EPB41L1: variants seen among roughly 807,000 people sequenced by gnomAD.
EPB41L1 encodes band 4.1-like protein 1.
EPB41L1 carries 29 observed loss-of-function variants against 97.8 expected under a neutral mutation model. The observed-to-expected ratio is 0.30, with a 90% CI of 0.22 to 0.40. The LOEUF (loss-of-function observed/expected upper bound fraction) is 0.40. Among genes scored for constraint, EPB41L1 ranks in the 10% least tolerant of loss-of-function variants. EPB41L1 has a pLI of 1.00. For synonymous variants in EPB41L1, 383 were observed against 459.2 expected, an observed-to-expected ratio of 0.83 and a Z score of 2.12; for missense variants, 812 against 1,162.3, an observed-to-expected ratio of 0.70 and a Z score of 4.38.
At chr20:36,105,289 A>T (rs554701635) in intron 1 of EPB41L1, among the ~76,000 whole-genome samples, 1 of 152,276 alleles carries the variant, frequency 6.6e-6, no homozygotes, top group East Asian at 1.9e-4. Flanking sequence ...CAGAGCTAGG[A>T]AGAATGGAGT....
At chr20:36,095,871 C>G (rs2057813422) in intron 1 of EPB41L1, among the ~76,000 whole-genome samples, 1 of 151,922 alleles carries the variant, frequency 6.6e-6, no homozygotes, top group African/African-American at 2.4e-5. Flanking sequence ...GGTAAAAATA[C>G]AAAATTTAGC....
At chr20:36,154,661 G>C (rs2060208923), upstream of EPB41L1, 3 of 976,410 alleles carry the variant, frequency 3.1e-6, no homozygotes, top group African/African-American at 3.5e-5. The surrounding 1 kb of genome is among the most constrained non-coding windows in gnomAD (Gnocchi z 5.5). Flanking sequence ...GCCGCGCGTC[G>C]GGCGCCAGGC....
At chr20:36,106,481 A>G (rs1412849651) in intron 1 of EPB41L1, among the ~76,000 whole-genome samples, 1 of 152,212 alleles carries the variant, frequency 6.6e-6, no homozygotes, top group Non-Finnish European at 1.5e-5. Flanking sequence ...CCACAGCCTC[A>G]TCCTCTGAAC....
chr20:36,144,748 T>A (rs2096007950), intron 2 of EPB41L1, among the ~76,000 whole-genome samples: 1 of 152,164 alleles, frequency 6.6e-6, no homozygotes, highest in African/African-American at 2.4e-5. Flanking sequence ...TGGGAGGAAT[T>A]AAACTGCCAT....
chr20:36,113,410 G>T (rs1234995210), intron 2 of EPB41L1, among the ~76,000 whole-genome samples: 3 of 28,044 alleles, frequency 1.1e-4, no homozygotes, highest in Admixed American at 3.1e-4. Context: ...CTTTCCATTT[G>T]TGTGTGTGTG....
At chr20:36,154,147 A>G (rs1423370897), upstream of EPB41L1, among the ~76,000 whole-genome samples, 1 of 151,568 alleles carries the variant, frequency 6.6e-6, no homozygotes, top group Non-Finnish European at 1.5e-5. The surrounding 1 kb of genome is among the most constrained non-coding windows in gnomAD (Gnocchi z 5.5). Context: ...CCCAGGAGAC[A>G]GTTGTAATAC....
chr20:36,188,395 C>A lies in EPB41L1; in HGVS notation c.922C>A (p.Leu308Ile). Reference protein sequence around the residue: ...IMLGVCANGLLIYRDRLRINR... With the variant: ...IMLGVCANGLIIYRDRLRINR... ...GTTAGGCGTTTGTGCCAATGGCCTG[C>A]TCATCTACCGGGACCGGCTGAGAAT... The change falls in exon 9 of 22, where the codon CTC (leucine) becomes ATC (isoleucine). Residue 308 changes from leucine to isoleucine, a missense_variant. Physicochemically the swap from Leu to Ile is conservative, Grantham distance 5. This residue lies in a region of EPB41L1 where 230 missense variants were observed against 445.2 expected (regional missense o/e 0.52). Coordinates refer to ENST00000338074, the MANE Select transcript of EPB41L1 (RefSeq NM_012156.2). The A allele has an allele frequency of 6.2e-7, 1 of 1,614,008 alleles. No homozygotes were observed.
intron 1 of EPB41L1, among the ~76,000 whole-genome samples, chr20:36,111,822 C>T (rs891723943): frequency 9.9e-5 from 15 of 151,638 alleles, no homozygotes; most frequent in East Asian, 5.8e-4. Context: ...GAAAAGACTC[C>T]GAGGGATCAC....
chr20:36,154,674 G>C (rs1397968880), upstream of EPB41L1: 19 of 980,480 alleles, frequency 1.9e-5, no homozygotes, highest in Non-Finnish European at 2.3e-5. The surrounding 1 kb of genome is among the most constrained non-coding windows in gnomAD (Gnocchi z 5.5). Flanking sequence ...CGCCAGGCCC[G>C]GGGCTGTGGG....
intron 2 of EPB41L1, among the ~76,000 whole-genome samples, chr20:36,114,537 A>G (rs1460081560): frequency 6.6e-6 from 1 of 152,172 alleles, no homozygotes; most frequent in Non-Finnish European, 1.5e-5. Context: ...GTTAGGGTCT[A>G]TACAATTGGG....
Position 36,206,408 on chromosome 20 carries a change from C to A in EPB41L1, c.1669-3080C>A. On this transcript the variant is annotated intron_variant, in intron 14 of 21. Coordinates refer to ENST00000338074, the MANE Select transcript of EPB41L1 (RefSeq NM_012156.2). This position sits in a 1 kb window ranked among gnomAD's most constrained non-coding sequence, Gnocchi z 5.5. ...CTCCAGTCGTTTCTATTGGATCCAG[C>A]CCACGCAGAAGCCAGAGCTGAGTTG... 7.8e-7 allele frequency: 1 copy of A among 1,290,002 alleles called. No individual in the cohort carries two copies. Among genetic ancestry groups the A allele is most frequent in the Non-Finnish European group, 1.0e-6 (1 of 988,908 alleles). 79.9% of individuals were successfully genotyped at this position (1,290,002 alleles called of 1,614,324 possible). A position where few individuals can be genotyped will look rare whatever the true frequency, so the allele number is the denominator to read the frequency against.
At chr20:36,197,465 G>T (rs1276651165) in intron 13 of EPB41L1, among the ~76,000 whole-genome samples, 1 of 152,214 alleles carries the variant, frequency 6.6e-6, no homozygotes, top group Non-Finnish European at 1.5e-5. Flanking sequence ...GGCAGTTGCT[G>T]CCTGCTATGC....
intron 17 of EPB41L1, 41 bp downstream of exon 17, chr20:36,214,481 C>G (rs764776055): frequency 2.8e-5 from 42 of 1,525,670 alleles, no homozygotes; most frequent in Non-Finnish European, 3.5e-5. Flanking sequence ...GACCAGCCCC[C>G]TGCCCCACCA....
chr20:36,189,020 C>G (rs2061825153), intron 9 of EPB41L1, among the ~76,000 whole-genome samples: 1 of 152,066 alleles, frequency 6.6e-6, no homozygotes, highest in Non-Finnish European at 1.5e-5. Context: ...TTTTAAGATA[C>G]ACAGACTCGA....
At chr20:36,118,102 G>A (rs1254062835) in intron 2 of EPB41L1, among the ~76,000 whole-genome samples, 5 of 152,190 alleles carry the variant, frequency 3.3e-5, no homozygotes, top group Non-Finnish European at 7.4e-5. Flanking sequence ...CAGCACAATC[G>A]CTGCATTCAG....
intron 2 of EPB41L1, among the ~76,000 whole-genome samples, chr20:36,141,995 A>G (rs996529102): frequency 2.6e-5 from 4 of 151,584 alleles, no homozygotes; most frequent in African/African-American, 9.7e-5. Context: ...TGTAATCCCA[A>G]TTACTCGGGA....
At chr20:36,165,591 C>T (rs1017929008) in intron 1 of EPB41L1, among the ~76,000 whole-genome samples, 9 of 152,058 alleles carry the variant, frequency 5.9e-5, no homozygotes, top group African/African-American at 1.2e-4. Context: ...CTTAGCTACT[C>T]GGGAGGCTGA....
At chr20:36,162,629 A>G (rs2060579053) in intron 1 of EPB41L1, among the ~76,000 whole-genome samples, 1 of 152,204 alleles carries the variant, frequency 6.6e-6, no homozygotes, top group Non-Finnish European at 1.5e-5. Flanking sequence ...TGCCTTCTGC[A>G]TCGTCATCAG....
chr20:36,171,359 A>G (rs1378339908), intron 1 of EPB41L1, among the ~76,000 whole-genome samples: 2 of 152,052 alleles, frequency 1.3e-5, no homozygotes, highest in African/African-American at 4.8e-5. Context: ...ATTGTCCTGT[A>G]AGTGACAGAG....
Sources: allele counts gnomAD v4.1 joint callset (sites outside exome capture counted in the v4.1 genomes callset), GRCh38; gene constraint gnomAD v4.1.1; regional missense constraint gnomAD v4.1.1; non-coding constraint Gnocchi (gnomAD v3.1); transcripts MANE v1.5; gene names NCBI Gene and HGNC (gene_info 2026-07-23, HGNC 2026-07-21).